The following UST variants were observed in gnomAD, a reference collection of about 807,000 sequenced individuals.
UST encodes the protein chondroitin sulfate 2-O-sulfotransferase.
UST carries 21 observed loss-of-function variants against 45.6 expected under a neutral mutation model. That is an observed-to-expected ratio of 0.46 (90% confidence interval 0.33 to 0.66). The LOEUF is 0.66. Among genes scored for constraint, UST ranks in the 30% least tolerant of loss-of-function variants. UST has a pLI of 0.02. For synonymous variants in UST, 215 were observed against 200.6 expected (o/e 1.07, Z -0.61); for missense variants, 463 against 512.4 (o/e 0.90, Z 0.93).
chr6:149,054,580 C>T (rs13217006), intron 7 of UST, among the ~76,000 whole-genome samples: 1 of 151,892 alleles, frequency 6.6e-6, no homozygotes, highest in South Asian at 2.1e-4. Context: ...CTGCTATTGT[C>T]GGGGGGCAGG....
At chr6:148,983,463 A>AG (rs1781177530) in intron 5 of UST, among the ~76,000 whole-genome samples, 1 of 152,332 alleles carries the variant, frequency 6.6e-6, no homozygotes, top group East Asian at 1.9e-4. Flanking sequence ...GGAAAAAAAA[A>AG]TCATACCTCA....
intron 5 of UST, among the ~76,000 whole-genome samples, chr6:148,970,444 C>T (rs563783307): frequency 6.6e-6 from 1 of 152,252 alleles, no homozygotes; most frequent in Admixed American, 6.5e-5. Flanking sequence ...CCCAGAGAGG[C>T]TGAGTGGTGG....
chr6:148,761,919 C>T (rs548259733), intron 1 of UST, among the ~76,000 whole-genome samples: 65 of 152,282 alleles, frequency 4.3e-4, no homozygotes, highest in Admixed American at 7.2e-4. Context: ...CTGCATGGGA[C>T]ACAAAAGTAA....
chr6:148,927,377 T>C (rs1779836633), intron 2 of UST, among the ~76,000 whole-genome samples: 1 of 152,216 alleles, frequency 6.6e-6, no homozygotes, highest in Non-Finnish European at 1.5e-5. Context: ...CAAACTTTAC[T>C]TTGGATTTTC....
At position 148,862,903 on chromosome 6, in the gene UST, T is replaced by A. The variant is rs977809191; in HGVS notation, c.248-24083T>A. On this transcript the variant is annotated intron_variant, in intron 1 of 7. Transcript: ENST00000367463. ...GATGGGCTTCCCTTTGTGGGTAACC[T>A]GACCTTTCTCTCTGGCGCCCTTAAC... Among the ~76,000 whole-genome samples, 21 of 149,426 alleles carry A rather than the reference T, an allele frequency of 1.4e-4. No individual in the cohort carries two copies. In the East Asian group the frequency reaches 4.1e-3, roughly 29 times the overall value.
intron 1 of UST, among the ~76,000 whole-genome samples, chr6:148,794,011 G>C (rs1426215739): frequency 1.3e-5 from 2 of 152,210 alleles, no homozygotes; most frequent in African/African-American, 4.8e-5. Context: ...ATACTGATTT[G>C]TATGGTATGT....
rs144509974 is a variant in UST at position 148,790,369 on chromosome 6, G to A, written c.247+42692G>A. 6.6e-6 allele frequency among the ~76,000 whole-genome samples: 1 copy of A among 152,190 alleles called. No individual in the cohort carries two copies. The highest frequency in any genetic ancestry group is 1.5e-5 in the Non-Finnish European group (1 of 68,034). ...TGTAGAATAATCCTTCACTATATTT[G>A]CTGTTTCTGGAATAGTAGAGACCAC... On this transcript the variant is annotated intron_variant, in intron 1 of 7. Transcript: ENST00000367463. The surrounding 1 kb of genome is among the most constrained non-coding windows in gnomAD (Gnocchi z 4.2).
intron 1 of UST, among the ~76,000 whole-genome samples, chr6:148,811,759 G>A (rs534927590): frequency 9.2e-5 from 14 of 152,336 alleles, no homozygotes; most frequent in Admixed American, 7.8e-4. Context: ...CCAGGCAGAA[G>A]CTGTAGGACT....
intron 2 of UST, among the ~76,000 whole-genome samples, chr6:148,928,082 T>C (rs1466838151): frequency 2.6e-5 from 4 of 152,040 alleles, no homozygotes; most frequent in Admixed American, 2.6e-4. Flanking sequence ...GACAGTGGCC[T>C]TACCCAGACT....
At chr6:148,775,828 C>T (rs796126259) in intron 1 of UST, among the ~76,000 whole-genome samples, 115 of 152,106 alleles carry the variant, frequency 7.6e-4, no homozygotes, top group African/African-American at 2.7e-3. Context: ...GATGGGGTTT[C>T]ACCATGTTGG....
chr6:148,755,757 C>A (rs1333902904), intron 1 of UST, among the ~76,000 whole-genome samples: 1 of 151,096 alleles, frequency 6.6e-6, no homozygotes, highest in Non-Finnish European at 1.5e-5. Flanking sequence ...TATTTTAGAT[C>A]AAAATGTTGA....
intron 5 of UST, among the ~76,000 whole-genome samples, chr6:148,994,873 C>T (rs746961631): frequency 1.3e-5 from 2 of 152,196 alleles, no homozygotes; most frequent in Non-Finnish European, 2.9e-5. Flanking sequence ...GTTGCTGAAC[C>T]CTTCATAGCC....
chr6:148,988,961 C>T lies in UST; in HGVS notation c.681+24398C>T, dbSNP rs180747318. ...ATGCTCCTGTGCCAACAAGGAGTGA[C>T]CCAAGCAGTGAGCTTTACAGCCAGC... On this transcript the variant is annotated intron_variant, in intron 5 of 7. Transcript: ENST00000367463. Among the ~76,000 whole-genome samples, 7 of 152,274 alleles carry T rather than the reference C, an allele frequency of 4.6e-5. No individual in the cohort carries two copies. The East Asian group carries it at 1.3e-3, about 29-fold the overall frequency.
At chr6:148,990,155 A>G (rs1162515204) in intron 5 of UST, among the ~76,000 whole-genome samples, 1 of 152,202 alleles carries the variant, frequency 6.6e-6, no homozygotes, top group Non-Finnish European at 1.5e-5. Flanking sequence ...GGTGCTATAC[A>G]CCAACATACT....
At chr6:148,846,182 G>C (rs1777985323) in intron 1 of UST, among the ~76,000 whole-genome samples, 1 of 151,074 alleles carries the variant, frequency 6.6e-6, no homozygotes, top group South Asian at 2.1e-4. Flanking sequence ...CAATAGCAAA[G>C]ACTTGGAACC....
At chr6:148,851,418 G>T (rs555194868) in intron 1 of UST, among the ~76,000 whole-genome samples, 1 of 152,140 alleles carries the variant, frequency 6.6e-6, no homozygotes. Flanking sequence ...AAAAACCAAG[G>T]TAGAAAATTC....
chr6:148,878,680 G>A (rs1336956499), intron 1 of UST, among the ~76,000 whole-genome samples: 1 of 147,442 alleles, frequency 6.8e-6, no homozygotes, highest in Non-Finnish European at 1.5e-5. Context: ...GGTCGTGTAT[G>A]AGTGCGGGGG....
chr6:148,910,485 G>A (rs146263212), intron 2 of UST, among the ~76,000 whole-genome samples: 3 of 152,110 alleles, frequency 2.0e-5, no homozygotes, highest in East Asian at 3.9e-4. Context: ...CCCTGTTCAG[G>A]GTGTGAAGGA....
intron 4 of UST, 59 bp downstream of exon 4, chr6:148,954,010 G>T: frequency 7.3e-7 from 1 of 1,371,168 alleles, no homozygotes; most frequent in Non-Finnish European, 1.0e-6. Context: ...AGTTACTTTA[G>T]AAATCTACCT....
Sources: gnomAD v4.1 joint callset for allele counts (sites outside exome capture counted in the v4.1 genomes callset) on GRCh38, gnomAD v4.1.1 for gene constraint, Gnocchi (gnomAD v3.1) non-coding constraint, MANE v1.5 for transcripts, NCBI Gene and HGNC (gene_info 2026-07-23, HGNC 2026-07-21) for gene names.